Variants in SCHIP1 observed in about 807,000 individuals in gnomAD.
The protein encoded by SCHIP1 is schwannomin-interacting protein 1.
Under a neutral mutation model 29.7 loss-of-function variants are expected in SCHIP1, and 8 were observed. The observed-to-expected ratio is 0.27, with a 90% CI of 0.16 to 0.49. The LOEUF (loss-of-function observed/expected upper bound fraction) is 0.49. Ranked by LOEUF, SCHIP1 falls within the 20% of genes least tolerant of loss-of-function variation. The pLI, the probability that SCHIP1 is intolerant of heterozygous loss-of-function variation, is 0.99. For missense variants in SCHIP1, 193 were observed against 294.6 expected (o/e 0.66, Z 2.52); for synonymous variants, 76 against 94.9 (o/e 0.80, Z 1.16).
chr3:159,628,685 A>G, the SCHIP1 span, among the ~76,000 whole-genome samples: 1 of 152,310 alleles, frequency 6.6e-6, no homozygotes, highest in African/African-American at 2.4e-5. Flanking sequence ...AATTTAGGAA[A>G]AGCCAACAAT....
the SCHIP1 span, among the ~76,000 whole-genome samples, chr3:159,369,036 T>C: frequency 6.6e-6 from 1 of 152,286 alleles, no homozygotes; most frequent in East Asian, 1.9e-4. Context: ...AGAGAAGTGA[T>C]GGTATCTGGG....
chr3:159,330,750 A>G, the SCHIP1 span, among the ~76,000 whole-genome samples: 2 of 152,202 alleles, frequency 1.3e-5, no homozygotes, highest in Non-Finnish European at 2.9e-5. Flanking sequence ...TTAGTCCAGT[A>G]TTTCCAGACA....
the SCHIP1 span, among the ~76,000 whole-genome samples, chr3:159,387,829 C>T: frequency 1.2e-4 from 19 of 152,132 alleles, no homozygotes. Flanking sequence ...TTGCTGATCC[C>T]TGTAATACAC....
the SCHIP1 span, among the ~76,000 whole-genome samples, chr3:159,381,886 C>T: frequency 6.6e-6 from 1 of 152,198 alleles, no homozygotes; most frequent in Non-Finnish European, 1.5e-5. Flanking sequence ...GCGTGAGCCA[C>T]TGTGTCCAGC....
the SCHIP1 span, among the ~76,000 whole-genome samples, chr3:159,627,345 A>G: frequency 6.6e-6 from 1 of 152,212 alleles, no homozygotes; most frequent in East Asian, 1.9e-4. Flanking sequence ...AGGCAAATAT[A>G]TTTTATCCAC....
the SCHIP1 span, among the ~76,000 whole-genome samples, chr3:159,795,012 G>A: frequency 3.3e-5 from 5 of 152,296 alleles, no homozygotes; most frequent in Admixed American, 6.5e-5. Context: ...GAAGTGTCGC[G>A]TTTGGTAGAT....
the SCHIP1 span, among the ~76,000 whole-genome samples, chr3:159,687,166 T>C: frequency 1.3e-5 from 2 of 152,128 alleles, no homozygotes; most frequent in African/African-American, 2.4e-5. Context: ...TAAATCCCCA[T>C]CTAGGAAGCT....
At chr3:159,532,032 T>C in the SCHIP1 span, among the ~76,000 whole-genome samples, 2 of 152,166 alleles carry the variant, frequency 1.3e-5, no homozygotes, top group Non-Finnish European at 2.9e-5. Flanking sequence ...TTCCTTAATA[T>C]TCAGCCTGTT....
the SCHIP1 span, among the ~76,000 whole-genome samples, chr3:159,634,998 G>A: frequency 6.6e-6 from 1 of 152,074 alleles, no homozygotes; most frequent in Non-Finnish European, 1.5e-5. Flanking sequence ...CGTTTTAGTA[G>A]CCAGCCCTGC....
the SCHIP1 span, among the ~76,000 whole-genome samples, chr3:159,589,488 C>G: frequency 6.6e-6 from 1 of 152,276 alleles, no homozygotes; most frequent in South Asian, 2.1e-4. Flanking sequence ...GCCAGAACTT[C>G]CAACACTATG....
chr3:159,626,785 A>T, the SCHIP1 span, among the ~76,000 whole-genome samples: 1 of 152,096 alleles, frequency 6.6e-6, no homozygotes. Context: ...GGTCTCCTAG[A>T]TTGCATTCCT....
At chr3:159,328,324 G>T in the SCHIP1 span, among the ~76,000 whole-genome samples, 1 of 152,038 alleles carries the variant, frequency 6.6e-6, no homozygotes, top group East Asian at 1.9e-4. Flanking sequence ...CTGCCCTTGA[G>T]GAATTTATGG....
the SCHIP1 span, among the ~76,000 whole-genome samples, chr3:159,834,713 C>T: frequency 6.6e-6 from 1 of 152,150 alleles, no homozygotes; most frequent in African/African-American, 2.4e-5. Flanking sequence ...AAATTCCACA[C>T]CTGACCTCAT....
chr3:159,502,293 T>C, the SCHIP1 span, among the ~76,000 whole-genome samples: 2 of 152,110 alleles, frequency 1.3e-5, no homozygotes. Flanking sequence ...GTGCGTTATG[T>C]GCATGTGTTG....
the SCHIP1 span, among the ~76,000 whole-genome samples, chr3:159,346,355 C>A: frequency 2.0e-5 from 3 of 150,498 alleles, no homozygotes; most frequent in African/African-American, 7.3e-5. Context: ...GAAACTGCTC[C>A]CAGTAGCACT....
the SCHIP1 span, among the ~76,000 whole-genome samples, chr3:159,533,621 T>C: frequency 6.6e-6 from 1 of 152,066 alleles, no homozygotes; most frequent in South Asian, 2.1e-4. Context: ...CTCACTGCTC[T>C]GTCTGCCCCC....
the SCHIP1 span, among the ~76,000 whole-genome samples, chr3:159,395,639 A>T: frequency 5.3e-5 from 8 of 152,056 alleles, no homozygotes; most frequent in Non-Finnish European, 8.8e-5. Context: ...TTTGAGTGAG[A>T]TTCTTAATCC....
the SCHIP1 span, among the ~76,000 whole-genome samples, chr3:159,339,253 A>G: frequency 2.2e-5 from 3 of 134,154 alleles, no homozygotes; most frequent in Admixed American, 2.2e-4. Context: ...CATCATTAGA[A>G]TTAAAAAAAA....
At chr3:159,714,624 C>T in the SCHIP1 span, among the ~76,000 whole-genome samples, 23 of 152,224 alleles carry the variant, frequency 1.5e-4, no homozygotes, top group African/African-American at 4.6e-4. Context: ...GAGGGTCCTA[C>T]GCCCACGGAG....
Sources: allele counts gnomAD v4.1 joint callset (sites outside exome capture counted in the v4.1 genomes callset), GRCh38; gene constraint gnomAD v4.1.1; transcripts MANE v1.5; gene names NCBI Gene and HGNC (gene_info 2026-07-23, HGNC 2026-07-21).